The following ZC3HAV1 variants were observed in gnomAD, a reference collection of about 807,000 sequenced individuals.
The protein encoded by ZC3HAV1 is zinc finger CCCH-type antiviral protein 1.
In ZC3HAV1, 41 loss-of-function variants were observed where a neutral mutation model predicts 86.6. That is an observed-to-expected ratio of 0.47 (90% CI 0.37 to 0.61). The LOEUF (loss-of-function observed/expected upper bound fraction) is 0.61, where lower values mean the gene tolerates loss of function less well. Among genes scored for constraint, ZC3HAV1 ranks in the 20% least tolerant of loss-of-function variants. The probability of loss-of-function intolerance (pLI) is 0.00; values close to 1 mark genes in which losing one functional copy is unlikely to be tolerated. For missense variants in ZC3HAV1, 964 were observed against 1,141.1 expected (o/e 0.84, Z 2.24); for synonymous variants, 421 against 432.1 (o/e 0.97, Z 0.32).
At chr7:139,061,235 T>C in intron 8 of ZC3HAV1, 97 bp from the exon 9 acceptor site, 18 of 1,158,194 alleles carry the variant, frequency 1.6e-5, no homozygotes, top group Non-Finnish European at 2.1e-5. Context: ...ACGGCAAATA[T>C]TCAAGACTGA....
At chr7:139,076,729 T>C (rs1324676904) in intron 5 of ZC3HAV1, among the ~76,000 whole-genome samples, 1 of 151,798 alleles carries the variant, frequency 6.6e-6, no homozygotes, top group Non-Finnish European at 1.5e-5. Context: ...CTGTCTCTAC[T>C]AAAAATACAA....
rs138891421 is a variant in ZC3HAV1 at position 139,108,881 on chromosome 7, G to A, written c.308+143C>T. 1,197 of 1,101,318 alleles carry A rather than the reference G, an allele frequency of 1.1e-3. 15 individuals carry two copies. In the African/African-American group the frequency reaches 0.017, roughly 16 times the overall value. 68.2% of individuals were successfully genotyped at this position (1,101,318 alleles called of 1,614,324 possible). On this transcript the variant is annotated intron_variant, in intron 1 of 12. Transcript: ENST00000242351. The surrounding 1 kb of genome is among the most constrained non-coding windows in gnomAD (Gnocchi z 4.2). ...GGGCCCTGCAGAGGCTCCCAGAGGG[G>A]AGCAGAGAAGGGAGTGGCTGGAGGC...
intron 9 of ZC3HAV1, chr7:139,060,774 G>C (rs1647568997): frequency 3.8e-6 from 5 of 1,318,296 alleles, no homozygotes; most frequent in Non-Finnish European, 3.9e-6. Context: ...CACAGCTGGA[G>C]AAGCTAAAGC....
intron 3 of ZC3HAV1, among the ~76,000 whole-genome samples, chr7:139,083,279 T>C (rs1232140109): frequency 6.6e-6 from 1 of 151,966 alleles, no homozygotes; most frequent in Non-Finnish European, 1.5e-5. Context: ...GCATAAAAAT[T>C]GAATTGCAAA....
intron 12 of ZC3HAV1, among the ~76,000 whole-genome samples, chr7:139,052,909 A>G (rs781549298): frequency 6.8e-6 from 1 of 148,020 alleles, no homozygotes; most frequent in Non-Finnish European, 1.5e-5. Context: ...TGACAAAGTG[A>G]GACCCTGTCT....
chr7:139,054,121 T>G (rs759318595), intron 10 of ZC3HAV1, 26 bp from the exon 11 acceptor site: 1 of 1,545,714 alleles, frequency 6.5e-7, no homozygotes, highest in Non-Finnish European at 8.7e-7. Context: ...AATAGATAAA[T>G]GTGAAATAGG....
intron 2 of ZC3HAV1, among the ~76,000 whole-genome samples, chr7:139,088,910 C>T (rs1349484685): frequency 6.6e-6 from 1 of 152,034 alleles, no homozygotes; most frequent in African/African-American, 2.4e-5. Flanking sequence ...CGAGGCCAGG[C>T]TGGCCAACAT....
At chr7:139,072,079 C>A (rs1374069366) in intron 7 of ZC3HAV1, among the ~76,000 whole-genome samples, 1 of 152,234 alleles carries the variant, frequency 6.6e-6, no homozygotes, top group East Asian at 1.9e-4. Context: ...ATTATTAGTT[C>A]CGTGCAAAAG....
In ZC3HAV1 at chr7:139,055,262, T is replaced by C; in HGVS notation, c.2130A>G (p.Leu710=). ...CCTCCTGAGGACGAAAGGTCGCAGTTAAAGACACTGACGAGGTCTTTGCTG... is the reference window on the plus strand; with the variant it reads ...CCTCCTGAGGACGAAAGGTCGCAGTCAAAGACACTGACGAGGTCTTTGCTG... ...HQPAKTSSVS[L]TATFRPQEDF... The change falls in exon 10 of 13, where the codon TTA becomes TTG. Residue 710 remains leucine, a synonymous_variant. Coordinates refer to ENST00000242351, the MANE Select transcript of ZC3HAV1 (RefSeq NM_020119.4). The C allele has an allele frequency of 6.2e-7, 1 of 1,613,540 alleles. No individual in the cohort carries two copies.
At chr7:139,066,098 A>G (rs1049837988) in intron 7 of ZC3HAV1, among the ~76,000 whole-genome samples, 3 of 152,120 alleles carry the variant, frequency 2.0e-5, no homozygotes, top group Non-Finnish European at 4.4e-5. Flanking sequence ...GTGGGCGATC[A>G]GGGCACACTA....
At chr7:139,091,981 G>A (rs1458697020) in intron 1 of ZC3HAV1, among the ~76,000 whole-genome samples, 2 of 152,180 alleles carry the variant, frequency 1.3e-5, no homozygotes, top group Non-Finnish European at 2.9e-5. Flanking sequence ...CGCCCCCGAA[G>A]AAGGGGCTAG....
At chr7:139,060,645 A>C in intron 9 of ZC3HAV1, 1 of 1,084,022 alleles carries the variant, frequency 9.2e-7, no homozygotes, top group Non-Finnish European at 1.1e-6. Flanking sequence ...GTTCAAGACC[A>C]GCCTGGGCAA....
intron 3 of ZC3HAV1, among the ~76,000 whole-genome samples, chr7:139,083,329 T>C (rs1180235656): frequency 6.6e-6 from 1 of 151,736 alleles, no homozygotes; most frequent in Non-Finnish European, 1.5e-5. Flanking sequence ...GTAAAAATGG[T>C]GTATACATAT....
chr7:139,102,730 C>T (rs1317027199), intron 1 of ZC3HAV1, among the ~76,000 whole-genome samples: 1 of 43,098 alleles, frequency 2.3e-5, no homozygotes, highest in African/African-American at 2.5e-4. Flanking sequence ...TGTCTCTATA[C>T]ACACACACAC....
At chr7:139,100,987 C>G (rs932723225) in intron 1 of ZC3HAV1, among the ~76,000 whole-genome samples, 9 of 152,180 alleles carry the variant, frequency 5.9e-5, no homozygotes, top group African/African-American at 2.2e-4. Context: ...CGATTGCAGG[C>G]GCGTGCCGCC....
At position 139,078,656 on chromosome 7, in the gene ZC3HAV1, A is replaced by G; in HGVS notation, c.1472-3T>C. ...ACTTGTGACATCAGATAAAGAATCT[A>G]TGAAACAAAAAAGGATGCATGTATG... On this transcript the variant is annotated splice_polypyrimidine_tract_variant and splice_region_variant and intron_variant, in intron 4 of 12. Transcript: ENST00000242351. 1 of 1,561,582 alleles carries G rather than the reference A, an allele frequency of 6.4e-7. No homozygotes were observed. Among genetic ancestry groups the G allele is most frequent in the Non-Finnish European group, 8.6e-7 (1 of 1,163,314 alleles).
In ZC3HAV1 at chr7:139,079,049, G is replaced by T. The variant is rs925026212; in HGVS notation, c.1472-396C>A. 25 of 1,528,262 alleles carry T rather than the reference G, an allele frequency of 1.6e-5. No individual in the cohort carries two copies. The Admixed American group carries it at 2.2e-4, about 13-fold the overall frequency. 94.7% of individuals were successfully genotyped at this position (1,528,262 alleles called of 1,614,324 possible). A position where few individuals can be genotyped will look rare whatever the true frequency, so the allele number is the denominator to read the frequency against. The stretch of plus-strand genomic sequence containing the variant: ...ATCCAAGGAAAAACCACCAGCCATA[G>T]CCACTCTGCTGCAGACTCAAGACAC... On this transcript the variant is annotated intron_variant, in intron 4 of 12. Coordinates refer to ENST00000242351, the MANE Select transcript of ZC3HAV1 (RefSeq NM_020119.4).
At chr7:139,093,469 C>A (rs182724340) in intron 1 of ZC3HAV1, among the ~76,000 whole-genome samples, 3 of 152,240 alleles carry the variant, frequency 2.0e-5, no homozygotes, top group African/African-American at 7.2e-5. Context: ...GTGACCTGCA[C>A]GTATACATCC....
intron 7 of ZC3HAV1, among the ~76,000 whole-genome samples, chr7:139,071,103 C>A (rs115541065): frequency 0.059 from 7,994 of 135,322 alleles, 230 homozygotes; most frequent in Admixed American, 0.069. Flanking sequence ...TTTCTGAAAC[C>A]TTTTTTTTTT....
Sources: gnomAD v4.1 joint callset for allele counts (sites outside exome capture counted in the v4.1 genomes callset) on GRCh38, gnomAD v4.1.1 for gene constraint, Gnocchi (gnomAD v3.1) non-coding constraint, MANE v1.5 for transcripts, NCBI Gene and HGNC (gene_info 2026-07-23, HGNC 2026-07-21) for gene names.